Variants in EYS observed in about 807,000 individuals in gnomAD.
EYS encodes EGF-like photoreceptor maintenance factor, also known as protein eyes shut homolog.
EYS carries 250 observed loss-of-function variants against 282.1 expected under a neutral mutation model. The ratio of observed to expected loss-of-function variants is 0.89; its 90% CI spans 0.80 to 0.98. The LOEUF is 0.98. Ranked by LOEUF, EYS falls within the 50% of genes least tolerant of loss-of-function variation. The pLI is 0.00. For missense variants in EYS, 4,016 were observed against 3,709.0 expected (o/e 1.08, Z -2.15); for synonymous variants, 1,355 against 1,282.9 (o/e 1.06, Z -1.20).
intron 35 of EYS, among the ~76,000 whole-genome samples, chr6:63,964,073 A>C (rs1170106813): frequency 2.0e-5 from 3 of 152,246 alleles, no homozygotes; most frequent in Non-Finnish European, 4.4e-5. Flanking sequence ...GCCAGTATAA[A>C]GAACAGTAAC....
At position 64,591,153 on chromosome 6, in the gene EYS, C is replaced by T; in HGVS notation, c.4714G>A (p.Asp1572Asn). Residue 1572 changes from aspartate (D) to asparagine (N), a missense_variant, in exon 26 of 43, where the codon GAT becomes AAT. Asp to Asn is a conservative substitution (Grantham distance 23, BLOSUM62 1). Coordinates refer to ENST00000503581, the MANE Select transcript of EYS (RefSeq NM_001142800.2). ...TEIKSSREFS[D>N]QVLHSKQSHF... is the part of the protein sequence containing the mutation. The stretch of plus-strand genomic sequence containing the variant: ...GACTGTTTGCTATGCAAAACTTGAT[C>T]TGAGAATTCACGAGAGGATTTTATT... 1 of 1,551,296 alleles carries T rather than the reference C, an allele frequency of 6.4e-7. No individual in the cohort carries two copies. Among genetic ancestry groups the T allele is most frequent in the Non-Finnish European group, 8.7e-7 (1 of 1,146,766 alleles).
chr6:64,259,826 T>G (rs935109624), intron 30 of EYS, among the ~76,000 whole-genome samples: 12 of 142,534 alleles, frequency 8.4e-5, no homozygotes, highest in Admixed American at 7.9e-4. Context: ...GAGTTATATT[T>G]CTAACTTTTA....
intron 11 of EYS, among the ~76,000 whole-genome samples, chr6:65,302,350 C>G (rs111925577): frequency 0.09 from 13,704 of 151,724 alleles, 458 homozygotes; most frequent in African/African-American, 0.18. Flanking sequence ...AAGACACAGA[C>G]GTTCCTGTTG....
intron 12 of EYS, among the ~76,000 whole-genome samples, chr6:65,210,978 C>G (rs1438595354): frequency 6.6e-6 from 1 of 151,184 alleles, no homozygotes; most frequent in African/African-American, 2.4e-5. Flanking sequence ...AACATGGTTA[C>G]TGAAAAGTGA....
intron 22 of EYS, among the ~76,000 whole-genome samples, chr6:64,721,554 AC>A (rs1771582730): frequency 6.6e-6 from 1 of 152,166 alleles, no homozygotes; most frequent in Admixed American, 6.5e-5. Context: ...ACATCAGTAC[AC>A]AAAATAAATC....
chr6:65,612,894 T>C (rs1293366460), intron 2 of EYS, among the ~76,000 whole-genome samples: 1 of 151,844 alleles, frequency 6.6e-6, no homozygotes, highest in Non-Finnish European at 1.5e-5. Flanking sequence ...ATTTTACTTT[T>C]TCTGGTTAGA....
chr6:64,297,240 C>G (rs955811544), intron 30 of EYS, among the ~76,000 whole-genome samples: 5 of 152,144 alleles, frequency 3.3e-5, no homozygotes, highest in African/African-American at 1.2e-4. Flanking sequence ...ACACTTCCCC[C>G]CCATTGTTGT....
chr6:64,527,732 T>A (rs1471299519), intron 26 of EYS, among the ~76,000 whole-genome samples: 7 of 151,738 alleles, frequency 4.6e-5, no homozygotes, highest in African/African-American at 1.7e-4. Flanking sequence ...TGATATTTAA[T>A]AAGGAACCAT....
At position 64,766,653 on chromosome 6, in the gene EYS, T is replaced by TATATAC. The variant is rs1773359137; in HGVS notation, c.3443+46724_3443+46725insGTATAT. On this transcript the variant is annotated intron_variant, in intron 22 of 42. Coordinates refer to ENST00000503581, the MANE Select transcript of EYS (RefSeq NM_001142800.2). ...TCTCAAAAAAAAAAAAAAAAAAATA[T>TATATAC]ATATATATATATATATATATATATA... is the stretch of plus-strand genomic sequence containing the variant. 4.7e-5 allele frequency among the ~76,000 whole-genome samples: 2 copies of TATATAC among 42,940 alleles called. 1 individual carries two copies. The highest frequency in any genetic ancestry group is 8.4e-5 in the Non-Finnish European group (2 of 23,728). The allele number at this position is 42,940 out of a possible 152,430, so 28.2% of individuals were successfully genotyped here.
chr6:65,124,976 G>A lies in EYS; in HGVS notation c.2024-67249C>T, dbSNP rs186718826. Among the ~76,000 whole-genome samples, 454 of 152,200 alleles carry A rather than the reference G, an allele frequency of 3.0e-3. 4 individuals carry two copies. Among genetic ancestry groups the A allele is most frequent in the African/African-American group, 0.01 (431 of 41,474 alleles). ...CATGTGTGCACCACTAAGATAAGATGTTGTCAATCTGTTAAAATCTCCGTG... is the reference window on the plus strand; with the variant it reads ...CATGTGTGCACCACTAAGATAAGATATTGTCAATCTGTTAAAATCTCCGTG... On this transcript the variant is annotated intron_variant, in intron 12 of 42. Coordinates refer to ENST00000503581, the MANE Select transcript of EYS (RefSeq NM_001142800.2).
chr6:64,688,827 T>C (rs1236750415), intron 22 of EYS, among the ~76,000 whole-genome samples: 4 of 152,078 alleles, frequency 2.6e-5, no homozygotes, highest in Non-Finnish European at 5.9e-5. Context: ...AGTGGGGTGT[T>C]AAAATCTCCC....
chr6:63,906,455 C>T lies in EYS; in HGVS notation c.7056-42097G>A, dbSNP rs114507097. Among the ~76,000 whole-genome samples the T allele has an allele frequency of 6.8e-3, 1,034 of 152,228 alleles. 14 individuals carry two copies. Among genetic ancestry groups the T allele is most frequent in the African/African-American group, 0.022 (921 of 41,532 alleles). On this transcript the variant is annotated intron_variant, in intron 35 of 42. Coordinates refer to ENST00000503581, the MANE Select transcript of EYS (RefSeq NM_001142800.2). ...TCTCATCTCTTGCTATAACTGTGTCCATTGTCAGTGAGATGCTAGTATAAT... is the reference window on the plus strand; with the variant it reads ...TCTCATCTCTTGCTATAACTGTGTCTATTGTCAGTGAGATGCTAGTATAAT...
At chr6:65,047,815 G>T (rs1227775427) in intron 13 of EYS, among the ~76,000 whole-genome samples, 1 of 151,906 alleles carries the variant, frequency 6.6e-6, no homozygotes, top group East Asian at 2.0e-4. Context: ...GGTCTTTTCT[G>T]CCACCCAGGA....
chr6:64,684,922 A>G (rs1279315743), intron 22 of EYS, among the ~76,000 whole-genome samples: 1 of 152,070 alleles, frequency 6.6e-6, no homozygotes, highest in East Asian at 1.9e-4. Context: ...TGATAAACCC[A>G]AATCCAACCA....
chr6:64,679,673 G>T (rs1769828531), intron 22 of EYS, among the ~76,000 whole-genome samples: 1 of 152,102 alleles, frequency 6.6e-6, no homozygotes, highest in African/African-American at 2.4e-5. Context: ...GGCATTTACA[G>T]CTTTGACAAC....
At chr6:65,127,354 C>T (rs1775748702) in intron 12 of EYS, among the ~76,000 whole-genome samples, 2 of 151,898 alleles carry the variant, frequency 1.3e-5, no homozygotes, top group Admixed American at 1.3e-4. Flanking sequence ...TACATAACAC[C>T]CACCTTTAAT....
chr6:64,523,014 G>T (rs9342310), intron 26 of EYS, among the ~76,000 whole-genome samples: 39,120 of 151,212 alleles, frequency 0.26, 5,537 homozygotes, highest in East Asian at 0.36. Flanking sequence ...AAATGTCAAG[G>T]GTTGATATGT....
chr6:64,107,805 G>A (rs143764374), intron 31 of EYS, among the ~76,000 whole-genome samples: 1 of 152,226 alleles, frequency 6.6e-6, no homozygotes, highest in Non-Finnish European at 1.5e-5. Context: ...GTGGTAAGGT[G>A]TAGGGTGAGG....
At chr6:64,792,526 A>C (rs538490706) in intron 22 of EYS, among the ~76,000 whole-genome samples, 29 of 152,140 alleles carry the variant, frequency 1.9e-4, no homozygotes, top group African/African-American at 5.8e-4. Context: ...GTGAAGAGTT[A>C]ATTTTTAAGA....
Sources: gnomAD v4.1 joint callset for allele counts (sites outside exome capture counted in the v4.1 genomes callset) on GRCh38, gnomAD v4.1.1 for gene constraint, MANE v1.5 for transcripts, NCBI Gene and HGNC (gene_info 2026-07-23, HGNC 2026-07-21) for gene names.